Variants in NHSL1 observed in about 807,000 individuals in gnomAD.
NHSL1 encodes the protein NHS like 1.
Under a neutral mutation model 95.0 loss-of-function variants are expected in NHSL1, and 48 were observed. The observed-to-expected ratio is 0.51, with a 90% CI of 0.40 to 0.64. NHSL1 has a LOEUF of 0.64. Among genes scored for constraint, NHSL1 ranks in the 30% least tolerant of loss-of-function variants. NHSL1 has a pLI of 0.00. For synonymous variants in NHSL1, 783 were observed against 833.9 expected (o/e 0.94, Z 1.05); for missense variants, 1,971 against 2,077.7 (o/e 0.95, Z 1.00).
chr6:138,469,079 A>G (rs1363279406), intron 3 of NHSL1, among the ~76,000 whole-genome samples: 1 of 152,152 alleles, frequency 6.6e-6, no homozygotes, highest in African/African-American at 2.4e-5. Context: ...AATGACCACC[A>G]CTGCTGGCTG....
At chr6:138,666,434 A>G (rs1034595723) in intron 1 of NHSL1, among the ~76,000 whole-genome samples, 1 of 152,106 alleles carries the variant, frequency 6.6e-6, no homozygotes, top group Non-Finnish European at 1.5e-5. Flanking sequence ...TACTAAAAAT[A>G]CAAAAAAATT....
At chr6:138,691,954 T>A (rs746008886) in intron 1 of NHSL1, 2 of 456,534 alleles carry the variant, frequency 4.4e-6, no homozygotes, top group Non-Finnish European at 8.8e-6. Context: ...GTTTTGCTTG[T>A]CGGTAAGAAC....
intron 2 of NHSL1, among the ~76,000 whole-genome samples, chr6:138,495,237 C>T (rs184530812): frequency 7.9e-5 from 12 of 152,160 alleles, no homozygotes; most frequent in South Asian, 4.2e-4. Context: ...AGTGAGACTC[C>T]ATCTCAATAA....
chr6:138,663,199 T>G (rs1583470955), intron 1 of NHSL1, among the ~76,000 whole-genome samples: 2 of 152,342 alleles, frequency 1.3e-5, no homozygotes, highest in South Asian at 4.1e-4. Flanking sequence ...TGTTACGACA[T>G]TTACTTGAAA....
At chr6:138,553,513 G>A (rs1489105280) in intron 1 of NHSL1, among the ~76,000 whole-genome samples, 1 of 152,160 alleles carries the variant, frequency 6.6e-6, no homozygotes, top group African/African-American at 2.4e-5. Flanking sequence ...TTTTCAGGGT[G>A]CTGGAACATG....
chr6:138,571,453 T>C, intron 1 of NHSL1: 1 of 433,610 alleles, frequency 2.3e-6, no homozygotes, highest in South Asian at 2.4e-5. Context: ...GTGGCTCTGA[T>C]GGAGGGAGGG....
chr6:138,485,224 T>C (rs1442839835), intron 2 of NHSL1, among the ~76,000 whole-genome samples: 5 of 152,194 alleles, frequency 3.3e-5, no homozygotes, highest in Admixed American at 6.6e-5. Flanking sequence ...CAACAGTACC[T>C]TCAATGTATC....
chr6:138,428,462 A>C (rs1465894311), intron 7 of NHSL1, among the ~76,000 whole-genome samples: 1 of 152,246 alleles, frequency 6.6e-6, no homozygotes, highest in Non-Finnish European at 1.5e-5. Context: ...ATAATTGGAC[A>C]ACCAGCTACC....
intron 1 of NHSL1, among the ~76,000 whole-genome samples, chr6:138,634,154 G>A (rs1583459451): frequency 6.6e-6 from 1 of 150,378 alleles, no homozygotes; most frequent in Admixed American, 6.6e-5. Context: ...AAGAAAGAAG[G>A]AGAAGACCAT....
upstream of NHSL1, chr6:138,572,650 C>T (rs907748572): frequency 2.0e-5 from 3 of 152,266 alleles, no homozygotes; most frequent in South Asian, 2.1e-4. Flanking sequence ...ACACCAAAGG[C>T]ACCTCATTGG....
chr6:138,447,859 A>G (rs1211745467), intron 3 of NHSL1, among the ~76,000 whole-genome samples: 1 of 152,196 alleles, frequency 6.6e-6, no homozygotes, highest in Non-Finnish European at 1.5e-5. Context: ...ATCAGTTTCC[A>G]TTTTTATTAA....
At chr6:138,619,617 C>T (rs992598573) in intron 1 of NHSL1, among the ~76,000 whole-genome samples, 1 of 151,988 alleles carries the variant, frequency 6.6e-6, no homozygotes, top group Non-Finnish European at 1.5e-5. Flanking sequence ...GTACATTCTC[C>T]GTGGTGTTTT....
chr6:138,554,917 AGT>A (rs1467760165), intron 1 of NHSL1, among the ~76,000 whole-genome samples: 2 of 152,208 alleles, frequency 1.3e-5, no homozygotes, highest in Non-Finnish European at 2.9e-5. Context: ...CTTCAGGAAT[AGT>A]GAGTTACTTC....
At chr6:138,545,552 G>C (rs1157559840) in intron 1 of NHSL1, 1 of 1,102,804 alleles carries the variant, frequency 9.1e-7, no homozygotes, top group African/African-American at 1.6e-5. Context: ...CTGTGATTTA[G>C]ACTCTGATGC....
intron 1 of NHSL1, among the ~76,000 whole-genome samples, chr6:138,628,526 A>C (rs1177655518): frequency 6.6e-6 from 1 of 152,156 alleles, no homozygotes; most frequent in Non-Finnish European, 1.5e-5. Context: ...GGTTAAGCAA[A>C]TTCCATTTCA....
Position 138,513,004 on chromosome 6 carries a change from C to T in NHSL1, c.17-16633G>A, listed in dbSNP as rs376185801. Among the ~76,000 whole-genome samples the T allele has an allele frequency of 3.0e-4, 46 of 152,320 alleles. 1 individual carries two copies. The South Asian group carries it at 9.5e-3, about 32-fold the overall frequency. On this transcript the variant is annotated intron_variant, in intron 1 of 4. Transcript: ENST00000342260. ...CTGCCATCAGTTACCCAGACCTAAA[C>T]TAACATGTTCATTTAAAATTCGTAC...
intron 1 of NHSL1, among the ~76,000 whole-genome samples, chr6:138,580,159 T>C (rs1245645087): frequency 1.3e-5 from 2 of 152,186 alleles, no homozygotes; most frequent in South Asian, 2.1e-4. Flanking sequence ...GGCATCAGTA[T>C]GTGCATCACC....
At chr6:138,442,342 A>C (rs1419607634) in intron 4 of NHSL1, among the ~76,000 whole-genome samples, 1 of 152,220 alleles carries the variant, frequency 6.6e-6, no homozygotes, top group East Asian at 1.9e-4. Flanking sequence ...CTCATTTTCA[A>C]ATGAGCTGGA....
At chr6:138,684,939 C>A (rs1310369231) in intron 1 of NHSL1, among the ~76,000 whole-genome samples, 1 of 152,136 alleles carries the variant, frequency 6.6e-6, no homozygotes, top group Non-Finnish European at 1.5e-5. Flanking sequence ...TAGTTAGGTG[C>A]AAGTCATTTT....
Sources: allele counts gnomAD v4.1 joint callset (sites outside exome capture counted in the v4.1 genomes callset), GRCh38; gene constraint gnomAD v4.1.1; transcripts MANE v1.5; gene names NCBI Gene and HGNC (gene_info 2026-07-23, HGNC 2026-07-21).